PLEKHM3: variants seen among roughly 807,000 people sequenced by gnomAD.
The protein encoded by PLEKHM3 is pleckstrin homology domain containing M3.
A neutral mutation model predicts 81.8 loss-of-function variants in PLEKHM3; 45 were observed. The observed-to-expected ratio is 0.55, with a 90% confidence interval of 0.43 to 0.71. The LOEUF is 0.71. Among genes scored for constraint, PLEKHM3 ranks in the 30% least tolerant of loss-of-function variants. PLEKHM3 has a pLI of 0.00. For synonymous variants in PLEKHM3, 352 were observed against 356.4 expected (o/e 0.99, Z 0.14); for missense variants, 788 against 924.3 (o/e 0.85, Z 1.91).
chr2:207,957,468 G>A (rs1270616288), intron 3 of PLEKHM3, among the ~76,000 whole-genome samples: 1 of 152,216 alleles, frequency 6.6e-6, no homozygotes, highest in African/African-American at 2.4e-5. Context: ...GGAGGCCGAG[G>A]CGGGTGGATC....
chr2:207,832,946 T>C lies in PLEKHM3; in HGVS notation c.2109-4450A>G, dbSNP rs1575262816. On this transcript the variant is annotated intron_variant, in intron 7 of 7. Transcript: ENST00000427836. ...GGCCAACATGGTGAAACCCTGTCTC[T>C]ACTAAAAACACAAAAATTAGCCAGG... 2.6e-5 allele frequency among the ~76,000 whole-genome samples: 4 copies of C among 151,590 alleles called. No individual in the cohort carries two copies. In the East Asian group the frequency reaches 7.7e-4, roughly 29 times the overall value.
rs374923594 is a variant in PLEKHM3, at chr2:207,828,305, C to A, written c.*14G>T. On this transcript the variant is annotated 3_prime_UTR_variant, in exon 8 of 8. Transcript: ENST00000427836. Reference sequence around the variant, plus strand: ...TGTTGATTGGTGAATCCCTGGCCTTCGGGTCGGCTGGAGTCAGGTGTTCTG... The same window carrying A: ...TGTTGATTGGTGAATCCCTGGCCTTAGGGTCGGCTGGAGTCAGGTGTTCTG... 3.1e-6 allele frequency: 5 copies of A among 1,600,340 alleles called. No individual in the cohort carries two copies. In the South Asian group the frequency reaches 4.5e-5, roughly 14 times the overall value.
chr2:207,984,430 G>A (rs751599015), intron 2 of PLEKHM3, among the ~76,000 whole-genome samples: 3 of 150,464 alleles, frequency 2.0e-5, no homozygotes, highest in Non-Finnish European at 4.4e-5. Context: ...TTGCTCTGTT[G>A]CCCAGGCTTG....
chr2:208,000,945 G>T, intron 2 of PLEKHM3, 85 bp downstream of exon 2: 1 of 1,208,126 alleles, frequency 8.3e-7, no homozygotes, highest in Non-Finnish European at 1.1e-6. Flanking sequence ...GTAGAAGTCA[G>T]ATATAAAAAC....
chr2:207,914,251 T>C (rs1251264149), intron 5 of PLEKHM3, among the ~76,000 whole-genome samples: 2 of 151,916 alleles, frequency 1.3e-5, no homozygotes, highest in African/African-American at 4.8e-5. Flanking sequence ...ATCCCAGCAC[T>C]TCGGGAGGCC....
intron 2 of PLEKHM3, among the ~76,000 whole-genome samples, chr2:207,979,759 GA>G (rs142746403): frequency 0.025 from 3,819 of 151,982 alleles, 72 homozygotes; most frequent in South Asian, 0.05. Flanking sequence ...TTTGACTAAA[GA>G]AAAAAAGAGT....
At chr2:208,011,676 ATG>A (rs1692696970) in intron 1 of PLEKHM3, among the ~76,000 whole-genome samples, 1 of 150,052 alleles carries the variant, frequency 6.7e-6, no homozygotes, top group Non-Finnish European at 1.5e-5. Context: ...TGCCTGGGGG[ATG>A]GTTGCACCAA....
chr2:207,830,889 T>G (rs1180579698), intron 7 of PLEKHM3, among the ~76,000 whole-genome samples: 2 of 152,062 alleles, frequency 1.3e-5, no homozygotes, highest in Admixed American at 6.6e-5. Context: ...GGGCAACACA[T>G]TTCTGTTGTC....
intron 1 of PLEKHM3, among the ~76,000 whole-genome samples, chr2:208,009,984 A>G (rs968745912): frequency 6.6e-6 from 1 of 152,230 alleles, no homozygotes; most frequent in African/African-American, 2.4e-5. Context: ...GGCAAAGATC[A>G]GGTAGCAAAA....
intron 4 of PLEKHM3, among the ~76,000 whole-genome samples, chr2:207,942,161 C>T (rs955552023): frequency 1.3e-5 from 2 of 152,160 alleles, no homozygotes; most frequent in Non-Finnish European, 2.9e-5. Flanking sequence ...AACTTAAGTG[C>T]CCATCAATGG....
intron 2 of PLEKHM3, among the ~76,000 whole-genome samples, chr2:207,980,851 G>A (rs1015621043): frequency 6.6e-6 from 1 of 152,034 alleles, no homozygotes; most frequent in Non-Finnish European, 1.5e-5. Flanking sequence ...AGAATCGGCC[G>A]GGCACGGTGG....
In PLEKHM3 at chr2:207,832,685, G is replaced by A. The variant is rs576136055; in HGVS notation, c.2109-4189C>T. Among the ~76,000 whole-genome samples the A allele has an allele frequency of 2.4e-4, 37 of 151,956 alleles. 1 individual carries two copies. The highest frequency in any genetic ancestry group is 8.5e-4 in the African/African-American group (35 of 41,416). Reference sequence around the variant, plus strand: ...TGTGTGCCTGTAATCCCAGCTACTCGGGAGGCTAGGCAGGAGAATCGCTTG... The same window carrying A: ...TGTGTGCCTGTAATCCCAGCTACTCAGGAGGCTAGGCAGGAGAATCGCTTG... On this transcript the variant is annotated intron_variant, in intron 7 of 7. Coordinates refer to ENST00000427836, the MANE Select transcript of PLEKHM3 (RefSeq NM_001080475.3).
chr2:207,863,070 G>A (rs1200596957), intron 6 of PLEKHM3, among the ~76,000 whole-genome samples: 1 of 152,194 alleles, frequency 6.6e-6, no homozygotes, highest in Non-Finnish European at 1.5e-5. Flanking sequence ...GAGGTACGGG[G>A]AGAAAGATCT....
intron 7 of PLEKHM3, among the ~76,000 whole-genome samples, chr2:207,839,245 C>T (rs2092336339): frequency 6.6e-6 from 1 of 151,906 alleles, no homozygotes; most frequent in Non-Finnish European, 1.5e-5. Flanking sequence ...AAAGGTCAAG[C>T]ATGGGTACAT....
At chr2:208,009,890 C>T (rs1265001340) in intron 1 of PLEKHM3, among the ~76,000 whole-genome samples, 1 of 152,164 alleles carries the variant, frequency 6.6e-6, no homozygotes, top group African/African-American at 2.4e-5. Flanking sequence ...CTTTCCGAAA[C>T]GTTATGTTGA....
chr2:207,999,945 T>C (rs1692241227), intron 2 of PLEKHM3, among the ~76,000 whole-genome samples: 1 of 152,198 alleles, frequency 6.6e-6, no homozygotes, highest in South Asian at 2.1e-4. Context: ...TCCTAGTTAA[T>C]TGAGTAGAAG....
Position 208,022,083 on chromosome 2 carries a change from G to A in PLEKHM3, c.-319+3306C>T, listed in dbSNP as rs181041469. Among the ~76,000 whole-genome samples the A allele has an allele frequency of 2.0e-5, 3 of 152,324 alleles. No individual in the cohort carries two copies. In the East Asian group the frequency reaches 5.8e-4, roughly 29 times the overall value. Reference sequence around the variant, plus strand: ...GAATTAACTGGGTCAAAAGGTAGGAGCATCATTGAGGCTTTTCATACATTC... The same window carrying A: ...GAATTAACTGGGTCAAAAGGTAGGAACATCATTGAGGCTTTTCATACATTC... On this transcript the variant is annotated intron_variant, in intron 1 of 7. Transcript: ENST00000427836.
intron 6 of PLEKHM3, among the ~76,000 whole-genome samples, chr2:207,887,579 C>A (rs756854860): frequency 2.0e-5 from 3 of 152,156 alleles, no homozygotes; most frequent in Non-Finnish European, 4.4e-5. Context: ...TAATTTAATT[C>A]ATGTTATGAA....
At chr2:207,965,320 G>A (rs1445794570) in intron 3 of PLEKHM3, among the ~76,000 whole-genome samples, 1 of 148,454 alleles carries the variant, frequency 6.7e-6, no homozygotes, top group Non-Finnish European at 1.5e-5. Flanking sequence ...AACCAAAAAG[G>A]AAGCTACAAA....
Sources: allele counts gnomAD v4.1 joint callset (sites outside exome capture counted in the v4.1 genomes callset), GRCh38; gene constraint gnomAD v4.1.1; transcripts MANE v1.5; gene names NCBI Gene and HGNC (gene_info 2026-07-23, HGNC 2026-07-21).